Variants in PRMT8 observed in about 807,000 individuals in gnomAD.
The protein encoded by PRMT8 is protein arginine methyltransferase 8.
PRMT8 carries 7 observed loss-of-function variants against 47.1 expected under a neutral mutation model. That is an observed-to-expected ratio of 0.15 (90% CI 0.08 to 0.28). The LOEUF (loss-of-function observed/expected upper bound fraction) is 0.28, where lower values mean the gene tolerates loss of function less well. Ranked by LOEUF, PRMT8 falls within the 10% of genes least tolerant of loss-of-function variation. PRMT8 has a pLI of 1.00. For missense variants in PRMT8, 237 were observed against 505.4 expected, an observed-to-expected ratio of 0.47 and a Z score of 5.09; for synonymous variants, 188 against 186.5, an observed-to-expected ratio of 1.01 and a Z score of -0.07.
chr12:3,515,407 C>G (rs548921833), intron 1 of PRMT8, among the ~76,000 whole-genome samples: 1 of 152,272 alleles, frequency 6.6e-6, no homozygotes, highest in Non-Finnish European at 1.5e-5. Flanking sequence ...GGAGATATAC[C>G]TAATGCTAAA....
intron 1 of PRMT8, among the ~76,000 whole-genome samples, chr12:3,390,931 A>G (rs1052401610): frequency 3.9e-5 from 6 of 152,246 alleles, no homozygotes; most frequent in Non-Finnish European, 8.8e-5. Flanking sequence ...GCTCTGGATC[A>G]GGCCATATAG....
At chr12:3,582,715 T>C (rs966842356) in intron 7 of PRMT8, among the ~76,000 whole-genome samples, 1 of 152,178 alleles carries the variant, frequency 6.6e-6, no homozygotes, top group Non-Finnish European at 1.5e-5. Flanking sequence ...TCGAGGCTGC[T>C]CTGACAGGTG....
At chr12:3,392,281 T>C (rs190520978) in intron 1 of PRMT8, among the ~76,000 whole-genome samples, 137 of 152,172 alleles carry the variant, frequency 9.0e-4, no homozygotes, top group African/African-American at 3.0e-3. Flanking sequence ...TACATATGTA[T>C]ACATGTGCCA....
At chr12:3,507,340 C>T (rs888662448) in intron 1 of PRMT8, among the ~76,000 whole-genome samples, 7 of 152,084 alleles carry the variant, frequency 4.6e-5, no homozygotes, top group African/African-American at 1.7e-4. Context: ...CCAGGATGGT[C>T]TCGATCTCCT....
At chr12:3,520,034 A>G (rs1865857108) in intron 1 of PRMT8, among the ~76,000 whole-genome samples, 1 of 152,198 alleles carries the variant, frequency 6.6e-6, no homozygotes, top group Non-Finnish European at 1.5e-5. Context: ...ATGCTGGGGA[A>G]AAGTCTGCCG....
At position 3,562,747 on chromosome 12, in the gene PRMT8, T is replaced by C. The variant is rs114447458; in HGVS notation, c.482-5959T>C. On this transcript the variant is annotated intron_variant, in intron 4 of 9. Transcript: ENST00000382622. ...GCTACAAACCGGAGCTGTTTTGTTT[T>C]CCCTTCTGGAGACCTAAAGGTGAAG... Among the ~76,000 whole-genome samples, 1,127 of 152,266 alleles carry C rather than the reference T, an allele frequency of 7.4e-3. 13 individuals carry two copies. Among genetic ancestry groups the C allele is most frequent in the African/African-American group, 0.025 (1,039 of 41,554 alleles).
At chr12:3,575,934 A>G (rs1985912) in intron 6 of PRMT8, among the ~76,000 whole-genome samples, 52,329 of 152,058 alleles carry the variant, frequency 0.34, 9,135 homozygotes, top group Admixed American at 0.42. Flanking sequence ...CAGGAAAACC[A>G]CTTGAGCCCA....
chr12:3,473,482 C>T (rs771362535), intron 1 of PRMT8, among the ~76,000 whole-genome samples: 4 of 152,128 alleles, frequency 2.6e-5, no homozygotes, highest in Non-Finnish European at 4.4e-5. Context: ...ACTTAAAGAT[C>T]GGAGTTTTCC....
intron 1 of PRMT8, among the ~76,000 whole-genome samples, chr12:3,505,272 G>T (rs1380482979): frequency 6.6e-6 from 1 of 152,200 alleles, no homozygotes; most frequent in African/African-American, 2.4e-5. Context: ...CAGGTACTGG[G>T]GGTTTAGGAC....
rs1194919943 is a variant in PRMT8 at position 3,566,154 on chromosome 12, C to A, written c.482-2552C>A. Among the ~76,000 whole-genome samples the A allele has an allele frequency of 2.2e-4, 34 of 152,216 alleles. No homozygotes were observed. The highest frequency in any genetic ancestry group is 2.2e-3 in the Admixed American group (34 of 15,290). ...GTTTACAAAACTAAGGCAAGCCAGGCTTTGCATGCAAATGATTAGGCAGGT... is the reference window on the plus strand; with the variant it reads ...GTTTACAAAACTAAGGCAAGCCAGGATTTGCATGCAAATGATTAGGCAGGT... On this transcript the variant is annotated intron_variant, in intron 4 of 9. Coordinates refer to ENST00000382622, the MANE Select transcript of PRMT8 (RefSeq NM_019854.5). The surrounding 1 kb of genome is among the most constrained non-coding windows in gnomAD (Gnocchi z 4.7).
chr12:3,507,396 C>T (rs1303046158), intron 1 of PRMT8, among the ~76,000 whole-genome samples: 1 of 152,170 alleles, frequency 6.6e-6, no homozygotes, highest in African/African-American at 2.4e-5. Context: ...GCTGGGATTA[C>T]AGGCGTGAAC....
intron 1 of PRMT8, among the ~76,000 whole-genome samples, chr12:3,526,543 A>G (rs929395524): frequency 6.6e-6 from 1 of 152,172 alleles, no homozygotes; most frequent in Non-Finnish European, 1.5e-5. Context: ...TTTCTTTTAA[A>G]AAATATATAT....
chr12:3,384,755 G>A (rs1354751165), intron 1 of PRMT8, among the ~76,000 whole-genome samples: 1 of 152,118 alleles, frequency 6.6e-6, no homozygotes, highest in Non-Finnish European at 1.5e-5. Flanking sequence ...AATGGAAACG[G>A]GAGTGGAGTC....
intron 1 of PRMT8, among the ~76,000 whole-genome samples, chr12:3,437,771 A>G (rs1390144535): frequency 1.3e-5 from 2 of 151,864 alleles, no homozygotes; most frequent in African/African-American, 4.8e-5. Flanking sequence ...GATGTTCTCT[A>G]AGGTCGTCTA....
chr12:3,461,445 T>C (rs1865039935), intron 1 of PRMT8, among the ~76,000 whole-genome samples: 1 of 152,190 alleles, frequency 6.6e-6, no homozygotes, highest in Non-Finnish European at 1.5e-5. Flanking sequence ...GCCATTTCCT[T>C]GGGCACTTAA....
At chr12:3,553,464 G>T in intron 3 of PRMT8, 187 bp from the exon 4 acceptor site, 5 of 614,824 alleles carry the variant, frequency 8.1e-6, no homozygotes, top group Non-Finnish European at 1.4e-5. Context: ...GCCCAATTTC[G>T]TGGAAGGCCG....
chr12:3,592,154 AG>A, intron 8 of PRMT8, 76 bp from the exon 9 acceptor site: 1 of 1,456,764 alleles, frequency 6.9e-7, no homozygotes, highest in Non-Finnish European at 9.0e-7. Flanking sequence ...ACTTCTATGC[AG>A]GGTCCCAGCC....
chr12:3,593,761 A>C lies in PRMT8; in HGVS notation c.*579A>C, dbSNP rs1171066556. On this transcript the variant is annotated 3_prime_UTR_variant, in exon 10 of 10. Transcript: ENST00000382622. The surrounding 1 kb of genome is among the most constrained non-coding windows in gnomAD (Gnocchi z 4.8). Reference sequence around the variant, plus strand: ...GTGTGTGCGTGCGCGTGTGCCTAGAATATATATTACTCTCAGAGGAGATTC... The same window carrying C: ...GTGTGTGCGTGCGCGTGTGCCTAGACTATATATTACTCTCAGAGGAGATTC... The C allele has an allele frequency of 6.5e-6, 1 of 153,962 alleles. No homozygotes were observed. The highest frequency in any genetic ancestry group is 1.4e-5 in the Non-Finnish European group (1 of 69,168). 9.5% of individuals were successfully genotyped at this position (153,962 alleles called of 1,614,324 possible).
At chr12:3,534,141 C>G (rs1407224124) in intron 1 of PRMT8, among the ~76,000 whole-genome samples, 1 of 152,268 alleles carries the variant, frequency 6.6e-6, no homozygotes, top group Non-Finnish European at 1.5e-5. Context: ...CACTGCGATC[C>G]TCTTTCTTCC....
Sources: allele counts gnomAD v4.1 joint callset (sites outside exome capture counted in the v4.1 genomes callset), GRCh38; gene constraint gnomAD v4.1.1; non-coding constraint Gnocchi (gnomAD v3.1); transcripts MANE v1.5; gene names NCBI Gene and HGNC (gene_info 2026-07-23, HGNC 2026-07-21).